The following TPCN1 variants were observed in gnomAD, a reference collection of about 807,000 sequenced individuals.
TPCN1 encodes two pore channel protein 1.
TPCN1 carries 52 observed loss-of-function variants against 108.8 expected under a neutral mutation model. That is an observed-to-expected ratio of 0.48 (90% CI 0.38 to 0.60). The LOEUF is 0.60. TPCN1 is among the 20% of genes least tolerant of loss of function. The pLI, the probability that TPCN1 is intolerant of heterozygous loss-of-function variation, is 0.00. For synonymous variants in TPCN1, 446 were observed against 433.7 expected (o/e 1.03, Z -0.35); for missense variants, 806 against 1,072.8 (o/e 0.75, Z 3.47).
chr12:113,246,118 G>T, intron 2 of TPCN1: 1 of 442,864 alleles, frequency 2.3e-6, no homozygotes, highest in Non-Finnish European at 4.6e-6. Flanking sequence ...CCTGCTTCGA[G>T]TCAGAGTTTG....
chr12:113,269,857 C>G lies in TPCN1; in HGVS notation c.748+12C>G. 6.2e-7 allele frequency: 1 copy of G among 1,613,420 alleles called. No individual in the cohort carries two copies. Among genetic ancestry groups the G allele is most frequent in the Non-Finnish European group, 8.5e-7 (1 of 1,179,674 alleles). On this transcript the variant is annotated intron_variant, in intron 7 of 27. Coordinates refer to ENST00000335509, the MANE Select transcript of TPCN1 (RefSeq NM_017901.6). This position sits in a 1 kb window ranked among gnomAD's most constrained non-coding sequence, Gnocchi z 5.0. ...CTTTGCCATCCTCGGTGAGTTCCCG[C>G]CTCTCAGGCCCAGGTGCGCTGGAAA... is the stretch of plus-strand genomic sequence containing the variant.
rs543178229 is a variant in TPCN1, at chr12:113,236,823, C to T, written c.112+9859C>T. On this transcript the variant is annotated intron_variant, in intron 2 of 27. Coordinates refer to ENST00000335509, the MANE Select transcript of TPCN1 (RefSeq NM_017901.6). ...CTCTCTAAGCTTTGATTTCCTCATC[C>T]GTAAAATGACACTAATATTAGTATT... Among the ~76,000 whole-genome samples the T allele has an allele frequency of 3.9e-5, 6 of 152,092 alleles. No individual in the cohort carries two copies. The South Asian group carries it at 1.0e-3, about 26-fold the overall frequency.
At chr12:113,244,687 G>T in intron 2 of TPCN1, 1 of 985,442 alleles carries the variant, frequency 1.0e-6, no homozygotes, top group Non-Finnish European at 1.2e-6. Flanking sequence ...AAGCGGCGGG[G>T]CGGTTGCTCG....
intron 2 of TPCN1, among the ~76,000 whole-genome samples, chr12:113,241,083 T>G (rs987501336): frequency 1.3e-5 from 2 of 152,212 alleles, no homozygotes; most frequent in Non-Finnish European, 2.9e-5. Flanking sequence ...GCTTCTTGAT[T>G]TCCATTGTAT....
At chr12:113,285,177 CTG>C (rs1593197597) in intron 17 of TPCN1, among the ~76,000 whole-genome samples, 3 of 152,226 alleles carry the variant, frequency 2.0e-5, no homozygotes, top group East Asian at 1.9e-4. Flanking sequence ...TCTGAGCACA[CTG>C]TGTTGTCATT....
chr12:113,255,304 G>A (rs1593128276), intron 2 of TPCN1, among the ~76,000 whole-genome samples: 1 of 152,084 alleles, frequency 6.6e-6, no homozygotes. Flanking sequence ...CAACAGCATC[G>A]GAAATATAAA....
Position 113,268,976 on chromosome 12 carries a change from T to C in TPCN1, c.659+104T>C, listed in dbSNP as rs2136629712. The stretch of plus-strand genomic sequence containing the variant: ...AGTCAGTTAGTGATGAGGTCGACCC[T>C]GCATGCTGGTGGAGTACACGCAGAC... On this transcript the variant is annotated intron_variant, in intron 6 of 27. Transcript: ENST00000335509. The surrounding 1 kb of genome is among the most constrained non-coding windows in gnomAD (Gnocchi z 7.3). 1 of 1,320,376 alleles carries C rather than the reference T, an allele frequency of 7.6e-7. No homozygotes were observed. Among genetic ancestry groups the C allele is most frequent in the East Asian group, 2.4e-5 (1 of 41,776 alleles). The allele number at this position is 1,320,376 out of a possible 1,614,324, so 81.8% of individuals were successfully genotyped here.
chr12:113,259,425 G>T (rs916437744), intron 2 of TPCN1, among the ~76,000 whole-genome samples: 1 of 152,168 alleles, frequency 6.6e-6, no homozygotes, highest in African/African-American at 2.4e-5. Context: ...CAGGATTATT[G>T]TGACAAACCC....
At chr12:113,291,077 A>G in intron 23 of TPCN1, 79 bp downstream of exon 23, 7 of 1,356,462 alleles carry the variant, frequency 5.2e-6, no homozygotes, top group South Asian at 1.2e-5. Context: ...CCCAGAGTAT[A>G]TAATTCTTCC....
At chr12:113,261,132 C>T (rs775955054) in intron 3 of TPCN1, among the ~76,000 whole-genome samples, 6 of 151,972 alleles carry the variant, frequency 3.9e-5, no homozygotes, top group Non-Finnish European at 5.9e-5. Flanking sequence ...TGCAGTGAGC[C>T]GAGATCGCAC....
intron 2 of TPCN1, among the ~76,000 whole-genome samples, chr12:113,242,914 G>A (rs991243690): frequency 2.6e-5 from 4 of 152,302 alleles, no homozygotes; most frequent in South Asian, 4.1e-4. Context: ...CCAGAGTCAC[G>A]ATCCTTCATT....
chr12:113,260,697 C>T (rs1954998207), intron 3 of TPCN1, among the ~76,000 whole-genome samples: 1 of 152,170 alleles, frequency 6.6e-6, no homozygotes, highest in Admixed American at 6.6e-5. Context: ...TCTTCAGACC[C>T]CTGTTTAGGG....
intron 15 of TPCN1, among the ~76,000 whole-genome samples, chr12:113,282,030 C>T (rs1305417151): frequency 2.0e-5 from 3 of 150,374 alleles, no homozygotes; most frequent in Admixed American, 1.3e-4. Flanking sequence ...AAGCAATTCT[C>T]CTCCCTCAGC....
At chr12:113,287,369 G>A (rs1240304721) in intron 19 of TPCN1, 4 of 444,784 alleles carry the variant, frequency 9.0e-6, no homozygotes, top group East Asian at 3.9e-5. Context: ...TTGCACCAGC[G>A]ACAGGAGCCC....
intron 2 of TPCN1, among the ~76,000 whole-genome samples, chr12:113,242,418 G>A (rs538060960): frequency 2.9e-4 from 44 of 152,264 alleles, no homozygotes; most frequent in African/African-American, 9.6e-4. Context: ...GCTGCCCGTC[G>A]TTTCCTCCCT....
chr12:113,236,713 G>A lies in TPCN1; in HGVS notation c.112+9749G>A, dbSNP rs576082328. Among the ~76,000 whole-genome samples the A allele has an allele frequency of 1.1e-3, 163 of 152,168 alleles. 1 individual carries two copies. The highest frequency in any genetic ancestry group is 3.8e-3 in the African/African-American group (158 of 41,490). ...CTGGGGGCAGATTGGATTTGGGTGT[G>A]GTTACATGCACTCTGGGGTCAGACC... On this transcript the variant is annotated intron_variant, in intron 2 of 27. Transcript: ENST00000335509.
At chr12:113,291,830 C>CGG (rs1208798707) in intron 24 of TPCN1, 44 bp from the exon 25 acceptor site, 4 of 1,450,928 alleles carry the variant, frequency 2.8e-6, no homozygotes, top group Non-Finnish European at 3.9e-6. Flanking sequence ...CACCTACCCA[C>CGG]CCTCCTCCCC....
intron 2 of TPCN1, among the ~76,000 whole-genome samples, chr12:113,235,899 GA>G (rs762656842): frequency 2.0e-5 from 3 of 152,176 alleles, no homozygotes; most frequent in African/African-American, 4.8e-5. Context: ...AGATGAACAG[GA>G]AGTGAAAGAT....
At chr12:113,226,423 G>T (rs890220581) in intron 1 of TPCN1, among the ~76,000 whole-genome samples, 2 of 152,100 alleles carry the variant, frequency 1.3e-5, no homozygotes, top group African/African-American at 4.8e-5. Context: ...TGGGATTACA[G>T]GCACCTACCA....
Sources: allele counts gnomAD v4.1 joint callset (sites outside exome capture counted in the v4.1 genomes callset), GRCh38; gene constraint gnomAD v4.1.1; non-coding constraint Gnocchi (gnomAD v3.1); transcripts MANE v1.5; gene names NCBI Gene and HGNC (gene_info 2026-07-23, HGNC 2026-07-21).